The following COPG2 variants were observed in gnomAD, a reference collection of about 807,000 sequenced individuals.
COPG2 encodes the protein coatomer subunit gamma-2.
In COPG2, 37 loss-of-function variants were observed where a neutral mutation model predicts 46.3. That is an observed-to-expected ratio of 0.80 (90% confidence interval 0.61 to 1.05). The LOEUF is 1.05. Ranked by LOEUF, COPG2 falls within the 50% of genes least tolerant of loss-of-function variation. The pLI is 0.00. For synonymous variants in COPG2, 159 were observed against 129.7 expected (o/e 1.23, Z -1.53); for missense variants, 427 against 387.8 (o/e 1.10, Z -0.85).
rs542964699 is a variant in COPG2 at position 130,666,916 on chromosome 7, T to C, written c.104A>G (p.Asn35Ser). The C allele has an allele frequency of 1.8e-4, 276 of 1,559,000 alleles. No individual in the cohort carries two copies. Among genetic ancestry groups the C allele is most frequent in the Admixed American group, 1.7e-3 (93 of 55,188 alleles). Residue 35 changes from asparagine (N) to serine (S), a missense_variant, in exon 3 of 24, where the codon AAT (asparagine) becomes AGT (serine). Transcript: ENST00000425248. ...SAVLQEARIF[N>S]ETPINPRRCL... ...TCTTCTTGGATTGATTGGAGTTTCA[T>C]TGAATATACGAGCCTATGAAAAAAC...
At chr7:130,526,348 G>A (rs1040942683) in intron 20 of COPG2, among the ~76,000 whole-genome samples, 4 of 152,148 alleles carry the variant, frequency 2.6e-5, no homozygotes, top group African/African-American at 9.7e-5. Context: ...GACTGAGCCC[G>A]ATGAAGCAAT....
intron 20 of COPG2, among the ~76,000 whole-genome samples, chr7:130,517,832 A>C (rs1799691818): frequency 6.6e-6 from 1 of 152,232 alleles, no homozygotes; most frequent in Non-Finnish European, 1.5e-5. Context: ...TGAGTGGTCA[A>C]GTTGCAAAAA....
intron 20 of COPG2, among the ~76,000 whole-genome samples, chr7:130,545,339 T>C (rs1407666313): frequency 3.3e-5 from 5 of 152,146 alleles, no homozygotes; most frequent in Non-Finnish European, 7.4e-5. Flanking sequence ...TGTTTTCAAG[T>C]TGAAGGAAAT....
chr7:130,640,293 G>A (rs1298435737), intron 5 of COPG2, among the ~76,000 whole-genome samples: 1 of 147,164 alleles, frequency 6.8e-6, no homozygotes, highest in Non-Finnish European at 1.5e-5. Flanking sequence ...AAGGTATAAA[G>A]ATGAAAATTA....
chr7:130,512,800 T>C (rs571019927), intron 20 of COPG2, among the ~76,000 whole-genome samples: 2 of 152,226 alleles, frequency 1.3e-5, no homozygotes, highest in Admixed American at 1.3e-4. Flanking sequence ...AGTTAAGATA[T>C]CGTAGACTAT....
At chr7:130,595,811 C>A (rs1015265207) in intron 9 of COPG2, among the ~76,000 whole-genome samples, 137 of 152,284 alleles carry the variant, frequency 9.0e-4, no homozygotes, top group African/African-American at 2.9e-3. Flanking sequence ...GGACCCCCCC[C>A]CTCCAGCCTA....
intron 9 of COPG2, among the ~76,000 whole-genome samples, chr7:130,590,905 G>A (rs1336099611): frequency 2.0e-5 from 3 of 148,476 alleles, no homozygotes; most frequent in Non-Finnish European, 3.0e-5. Flanking sequence ...CCTGGCAACC[G>A]CCCCGTCTGA....
intron 9 of COPG2, among the ~76,000 whole-genome samples, chr7:130,587,308 A>C (rs1174246742): frequency 6.6e-6 from 1 of 151,984 alleles, no homozygotes; most frequent in Non-Finnish European, 1.5e-5. Flanking sequence ...CTCCATCTCA[A>C]AAAAAAGAAA....
At chr7:130,613,288 G>A (rs797036940) in intron 7 of COPG2, among the ~76,000 whole-genome samples, 11 of 152,296 alleles carry the variant, frequency 7.2e-5, no homozygotes, top group African/African-American at 2.2e-4. Flanking sequence ...AGGAGGCGGA[G>A]CTCAGGCAGC....
At chr7:130,601,537 A>G (rs1235044902) in intron 9 of COPG2, among the ~76,000 whole-genome samples, 1 of 152,202 alleles carries the variant, frequency 6.6e-6, no homozygotes, top group South Asian at 2.1e-4. Flanking sequence ...ACTGGAAACC[A>G]TCATTCTCAA....
At chr7:130,511,561 G>A in intron 20 of COPG2, 2 of 519,782 alleles carry the variant, frequency 3.8e-6, no homozygotes, top group Non-Finnish European at 7.7e-6. Context: ...AGCAACATTA[G>A]AGTTGTCCTC....
intron 12 of COPG2, among the ~76,000 whole-genome samples, chr7:130,558,598 G>A (rs1793667901): frequency 1.3e-5 from 2 of 152,144 alleles, no homozygotes; most frequent in Admixed American, 1.3e-4. Flanking sequence ...ACAGCTCACT[G>A]CAGCCCCAAC....
At chr7:130,610,685 T>C in intron 9 of COPG2, 2 of 592,936 alleles carry the variant, frequency 3.4e-6, no homozygotes, top group Non-Finnish European at 6.2e-6. Flanking sequence ...TATTTAATTA[T>C]CTATATATCT....
chr7:130,637,745 T>A (rs1014882841), intron 5 of COPG2, among the ~76,000 whole-genome samples: 1 of 152,228 alleles, frequency 6.6e-6, no homozygotes, highest in East Asian at 1.9e-4. Context: ...AAACTCATTA[T>A]CTGTCCAGTT....
chr7:130,665,299 T>C (rs1038081969), intron 3 of COPG2, among the ~76,000 whole-genome samples: 13 of 152,198 alleles, frequency 8.5e-5, no homozygotes, highest in African/African-American at 3.1e-4. Flanking sequence ...TATATTCTCT[T>C]AGAATTCAAA....
At chr7:130,551,061 G>A (rs1793529462) in intron 16 of COPG2, among the ~76,000 whole-genome samples, 180 bp downstream of exon 16, 1 of 151,734 alleles carries the variant, frequency 6.6e-6, no homozygotes, top group African/African-American at 2.4e-5. Context: ...TGCTGCATAG[G>A]AATTATCATT....
At chr7:130,667,565 T>C (rs1554461655) in intron 1 of COPG2, 31 bp from the exon 2 acceptor site, 1 of 1,581,802 alleles carries the variant, frequency 6.3e-7, no homozygotes, top group Non-Finnish European at 8.7e-7. Context: ...AAAAATGTCC[T>C]GAACAGCTGT....
intron 5 of COPG2, among the ~76,000 whole-genome samples, chr7:130,637,483 T>G (rs1554456515): frequency 1.3e-5 from 2 of 152,364 alleles, no homozygotes. Context: ...TTATCTTCAA[T>G]CTCCGATATC....
intron 6 of COPG2, 132 bp from the exon 7 acceptor site, chr7:130,613,768 G>A (rs1385477754): frequency 6.2e-6 from 4 of 645,640 alleles, no homozygotes; most frequent in Admixed American, 2.5e-5. Flanking sequence ...TGCACTAAAA[G>A]GATGATAATA....
Sources: gnomAD v4.1 joint callset for allele counts (sites outside exome capture counted in the v4.1 genomes callset) on GRCh38, gnomAD v4.1.1 for gene constraint, MANE v1.5 for transcripts, NCBI Gene and HGNC (gene_info 2026-07-23, HGNC 2026-07-21) for gene names.